RAB3GAP1: variants seen among roughly 807,000 people sequenced by gnomAD.
RAB3GAP1 encodes rab3 GTPase-activating protein catalytic subunit.
In RAB3GAP1, 86 loss-of-function variants were observed where a neutral mutation model predicts 130.7. The observed-to-expected ratio is 0.66, with a 90% confidence interval of 0.55 to 0.79. The LOEUF (loss-of-function observed/expected upper bound fraction) is 0.79, where lower values mean the gene tolerates loss of function less well. Among genes scored for constraint, RAB3GAP1 ranks in the 30% least tolerant of loss-of-function variants. RAB3GAP1 has a pLI of 0.00. For missense variants in RAB3GAP1, 1,029 were observed against 1,169.4 expected, an observed-to-expected ratio of 0.88 and a Z score of 1.75; for synonymous variants, 367 against 401.7, an observed-to-expected ratio of 0.91 and a Z score of 1.03.
In RAB3GAP1 at chr2:135,052,463, A is replaced by C. The variant is rs587777154; in HGVS notation, c.52A>C (p.Thr18Pro). Reference sequence around the variant, plus strand: ...CGAGGTATTTGAGATCACGGACTTCACCACTGCCTCGGAATGGGAAAGGTG... The same window carrying C: ...CGAGGTATTTGAGATCACGGACTTCCCCACTGCCTCGGAATGGGAAAGGTG... The part of the protein sequence containing the change: ...ESEVFEITDF[T>P]TASEWERFIS... Residue 18 changes from threonine (T) to proline (P), a missense_variant, in exon 2 of 24, where the codon ACC becomes CCC. Thr to Pro is a conservative substitution (Grantham distance 38). Coordinates refer to ENST00000264158, the MANE Select transcript of RAB3GAP1 (RefSeq NM_012233.3). 6.2e-7 allele frequency: 1 copy of C among 1,613,940 alleles called. No homozygotes were observed.
chr2:135,167,718 CAA>C, intron 23 of RAB3GAP1: 1 of 1,484,958 alleles, frequency 6.7e-7, no homozygotes, highest in Non-Finnish European at 9.1e-7. Flanking sequence ...GATGAGGTAA[CAA>C]AATAGCCTTT....
Position 135,074,622 on chromosome 2 carries a change from A to G in RAB3GAP1, c.151-16376A>G, listed in dbSNP as rs548524268. 2.0e-5 allele frequency among the ~76,000 whole-genome samples: 3 copies of G among 152,264 alleles called. No individual in the cohort carries two copies. The East Asian group carries it at 5.8e-4, about 29-fold the overall frequency. On this transcript the variant is annotated intron_variant, in intron 3 of 23. Transcript: ENST00000264158. Reference sequence around the variant, plus strand: ...GAGGAGAGGGAAGGGAGACAGTAAGAGAAAGGTCCCCAAGCAGTCCCCAAG... The same window carrying G: ...GAGGAGAGGGAAGGGAGACAGTAAGGGAAAGGTCCCCAAGCAGTCCCCAAG...
At chr2:135,162,930 A>G in intron 21 of RAB3GAP1, 56 bp from the exon 22 acceptor site, 2 of 1,576,016 alleles carry the variant, frequency 1.3e-6, no homozygotes, top group Non-Finnish European at 1.7e-6. Flanking sequence ...GCGTTTTCAA[A>G]GGGCTTTGCT....
Position 135,169,755 on chromosome 2 carries a change from T to C in RAB3GAP1, c.*974T>C, listed in dbSNP as rs1224573060. On this transcript the variant is annotated 3_prime_UTR_variant, in exon 24 of 24. Transcript: ENST00000264158. ...TTAGTTAAAATAATCGATGGGGATG[T>C]GTAGCCCCCCCGTGTGAGGATGACA... is the stretch of plus-strand genomic sequence containing the variant. The C allele has an allele frequency of 2.2e-6, 1 of 456,292 alleles. No individual in the cohort carries two copies. Among genetic ancestry groups the C allele is most frequent in the Admixed American group, 2.4e-5 (1 of 42,552 alleles). 28.3% of individuals were successfully genotyped at this position (456,292 alleles called of 1,614,324 possible).
At chr2:135,091,189 G>T (rs1574100589) in intron 4 of RAB3GAP1, 59 bp downstream of exon 4, 1 of 1,460,258 alleles carries the variant, frequency 6.8e-7, no homozygotes, top group Non-Finnish European at 9.5e-7. Context: ...CTGTAATTTT[G>T]AATTATTAAT....
At position 135,117,744 on chromosome 2, in the gene RAB3GAP1, TCTTCTG is replaced by T. The variant is rs1330109767; in HGVS notation, c.648+2375_648+2380del. Reference sequence around the variant, plus strand: ...TTCTGCTTCTTCTTCTTCTGCTTCTTCTTCTGCTTCTGCTTCTTCTGCTGCTTCTTC... The same window carrying T: ...TTCTGCTTCTTCTTCTTCTGCTTCTTCTTCTGCTTCTTCTGCTGCTTCTTC... On this transcript the variant is annotated intron_variant, in intron 7 of 23. Transcript: ENST00000264158. 6.4e-5 allele frequency among the ~76,000 whole-genome samples: 9 copies of T among 141,398 alleles called. No homozygotes were observed. The South Asian group carries it at 6.9e-4, about 11-fold the overall frequency. 92.8% of individuals were successfully genotyped at this position (141,398 alleles called of 152,430 possible). A position where few individuals can be genotyped will look rare whatever the true frequency, so the allele number is the denominator to read the frequency against.
chr2:135,089,857 G>A (rs1244926815), intron 3 of RAB3GAP1: 3 of 399,116 alleles, frequency 7.5e-6, no homozygotes, highest in Middle Eastern at 7.9e-4. Flanking sequence ...AATGCTGCAT[G>A]TTCTCACTCA....
At chr2:135,094,092 AG>A (rs1372588633) in intron 5 of RAB3GAP1, among the ~76,000 whole-genome samples, 1 of 152,218 alleles carries the variant, frequency 6.6e-6, no homozygotes. Flanking sequence ...GAAGGAAAGC[AG>A]GTGTTCGGCA....
At chr2:135,098,748 T>C (rs1192422812) in intron 5 of RAB3GAP1, among the ~76,000 whole-genome samples, 1 of 152,206 alleles carries the variant, frequency 6.6e-6, no homozygotes, top group Non-Finnish European at 1.5e-5. Context: ...ATCCTGTAAA[T>C]GTTATATATT....
chr2:135,056,374 T>C (rs995917250), intron 2 of RAB3GAP1, among the ~76,000 whole-genome samples: 1 of 151,884 alleles, frequency 6.6e-6, no homozygotes, highest in Non-Finnish European at 1.5e-5. Context: ...GGCTAATTTT[T>C]GTTGTATTTT....
intron 5 of RAB3GAP1, among the ~76,000 whole-genome samples, chr2:135,094,323 A>G (rs1284785699): frequency 6.6e-6 from 1 of 152,002 alleles, no homozygotes; most frequent in African/African-American, 2.4e-5. Flanking sequence ...CATATGTAAT[A>G]GTTGTACATA....
At chr2:135,138,310 TG>T in intron 17 of RAB3GAP1, among the ~76,000 whole-genome samples, 1 of 146,130 alleles carries the variant, frequency 6.8e-6, no homozygotes, top group Non-Finnish European at 1.5e-5. Flanking sequence ...ATTAGCCGAC[TG>T]GGGTAGCGTA....
In RAB3GAP1 at chr2:135,058,033, G is replaced by C. The variant is rs1278015987; in HGVS notation, c.97G>C (p.Val33Leu). Residue 33 changes from valine (V) to leucine (L), a missense_variant, in exon 3 of 24, where the codon GTC becomes CTC. Physicochemically the swap from Val to Leu is conservative, Grantham distance 32. Coordinates refer to ENST00000264158, the MANE Select transcript of RAB3GAP1 (RefSeq NM_012233.3). Reference protein sequence around the residue: ...WERFISKVEEVLNDWKLIGNS... With the variant: ...WERFISKVEELLNDWKLIGNS... ...TAGGTTTATTTCCAAAGTTGAAGAA[G>C]TCTTGAATGACTGGAAACTGATTGG... The C allele has an allele frequency of 1.9e-6, 3 of 1,612,616 alleles. No individual in the cohort carries two copies. In the African/African-American group the frequency reaches 4.0e-5, roughly 22 times the overall value.
At chr2:135,165,109 A>G (rs759223379) in intron 23 of RAB3GAP1, 27 of 454,412 alleles carry the variant, frequency 5.9e-5, no homozygotes, top group South Asian at 1.1e-4. Flanking sequence ...TGAATTATAA[A>G]TATAATTGTT....
rs1690863781 is a variant in RAB3GAP1 at position 135,113,138 on chromosome 2, T to A, written c.363-13T>A. On this transcript the variant is annotated splice_polypyrimidine_tract_variant and intron_variant, in intron 5 of 23. Coordinates refer to ENST00000264158, the MANE Select transcript of RAB3GAP1 (RefSeq NM_012233.3). ...GGTTTCCCCTGTTTAATGCAGTTAA[T>A]TCTTTTTTTAAGGTATGGGCTACGT... is the stretch of plus-strand genomic sequence containing the variant. The A allele has an allele frequency of 1.2e-6, 2 of 1,614,200 alleles. No individual in the cohort carries two copies.
chr2:135,172,371 G>A (rs1170543756), downstream of RAB3GAP1, among the ~76,000 whole-genome samples: 1 of 151,588 alleles, frequency 6.6e-6, no homozygotes, highest in Non-Finnish European at 1.5e-5. Flanking sequence ...GAAGGTGGAG[G>A]TTGCAGTGAG....
Position 135,058,026 on chromosome 2 carries a change from T to A in RAB3GAP1, c.90T>A (p.Val30=), listed in dbSNP as rs764051468. The A allele has an allele frequency of 6.2e-7, 1 of 1,612,146 alleles. No homozygotes were observed. The part of the protein sequence containing the change: ...ASEWERFISK[V]EEVLNDWKLI... ...TACTTCCTAGGTTTATTTCCAAAGT[T>A]GAAGAAGTCTTGAATGACTGGAAAC... Residue 30 remains valine, a synonymous_variant, in exon 3 of 24, where the codon GTT becomes GTA. Coordinates refer to ENST00000264158, the MANE Select transcript of RAB3GAP1 (RefSeq NM_012233.3).
chr2:135,147,615 T>TCCCCC (rs1553448280), intron 17 of RAB3GAP1, among the ~76,000 whole-genome samples: 31 of 133,032 alleles, frequency 2.3e-4, no homozygotes, highest in South Asian at 5.8e-4. Flanking sequence ...AGTAGTCCCC[T>TCCCCC]CCCCCCCCCT....
Position 135,074,916 on chromosome 2 carries a change from T to G in RAB3GAP1, c.151-16082T>G, listed in dbSNP as rs181883926. 3.9e-5 allele frequency among the ~76,000 whole-genome samples: 6 copies of G among 152,284 alleles called. No individual in the cohort carries two copies. In the East Asian group the frequency reaches 1.2e-3, roughly 29 times the overall value. On this transcript the variant is annotated intron_variant, in intron 3 of 23. Transcript: ENST00000264158. ...AAGGGGCCATGTATGGACGAGATATTTGGGAACAGAATGTTGTGCCAGCAG... is the reference window on the plus strand; with the variant it reads ...AAGGGGCCATGTATGGACGAGATATGTGGGAACAGAATGTTGTGCCAGCAG...
Sources: allele counts gnomAD v4.1 joint callset (sites outside exome capture counted in the v4.1 genomes callset), GRCh38; gene constraint gnomAD v4.1.1; transcripts MANE v1.5; gene names NCBI Gene and HGNC (gene_info 2026-07-23, HGNC 2026-07-21).